Variants in USP25 observed in about 807,000 individuals in gnomAD.
The protein encoded by USP25 is ubiquitin carboxyl-terminal hydrolase 25.
In USP25, 85 loss-of-function variants were observed where a neutral mutation model predicts 158.5. That is an observed-to-expected ratio of 0.54 (90% CI 0.45 to 0.64). The LOEUF is 0.64. Ranked by LOEUF, USP25 falls within the 30% of genes least tolerant of loss-of-function variation. USP25 has a pLI of 0.00. For synonymous variants in USP25, 464 were observed against 460.4 expected, an observed-to-expected ratio of 1.01 and a Z score of -0.10; for missense variants, 1,242 against 1,327.3, an observed-to-expected ratio of 0.94 and a Z score of 1.00.
intron 17 of USP25, among the ~76,000 whole-genome samples, chr21:15,838,994 T>C (rs1224806583): frequency 6.6e-6 from 1 of 152,138 alleles, no homozygotes; most frequent in Non-Finnish European, 1.5e-5. Context: ...TAGAGAAGCA[T>C]GGCCGGAAAA....
At chr21:15,775,092 G>A (rs1037767727) in intron 3 of USP25, among the ~76,000 whole-genome samples, 2 of 152,098 alleles carry the variant, frequency 1.3e-5, no homozygotes, top group Non-Finnish European at 2.9e-5. Context: ...TGAAGCCTGT[G>A]CACCATTCTC....
chr21:15,818,900 C>T (rs1258483763), intron 10 of USP25, 54 bp downstream of exon 10: 10 of 1,565,236 alleles, frequency 6.4e-6, no homozygotes, highest in African/African-American at 2.7e-5. Flanking sequence ...TCTTACAATG[C>T]TATAGCACAA....
At chr21:15,824,609 TTC>T (rs1444937097) in intron 11 of USP25, among the ~76,000 whole-genome samples, 1 of 152,144 alleles carries the variant, frequency 6.6e-6, no homozygotes, top group African/African-American at 2.4e-5. Flanking sequence ...CTGTCTATCT[TTC>T]TGTCTTTCCT....
At chr21:15,803,767 A>G (rs1227111974) in intron 6 of USP25, among the ~76,000 whole-genome samples, 3 of 151,960 alleles carry the variant, frequency 2.0e-5, no homozygotes, top group Non-Finnish European at 4.4e-5. Flanking sequence ...ATTAAAGCTC[A>G]TAGTCTTTAT....
At chr21:15,850,302 G>A (rs527913915) in intron 20 of USP25, among the ~76,000 whole-genome samples, 83 of 151,462 alleles carry the variant, frequency 5.5e-4, no homozygotes, top group African/African-American at 1.9e-3. Flanking sequence ...TTGCTTTTTC[G>A]TTTATAAAAT....
intron 20 of USP25, among the ~76,000 whole-genome samples, chr21:15,861,527 G>A (rs1333110600): frequency 6.6e-6 from 1 of 152,112 alleles, no homozygotes; most frequent in Non-Finnish European, 1.5e-5. Context: ...GAGGTAGTAT[G>A]AGACAAATAT....
rs568377042 is a variant in USP25, at chr21:15,824,870, C to T, written c.1209-96C>T. 1.2e-5 allele frequency: 11 copies of T among 931,300 alleles called. No homozygotes were observed. In the Admixed American group the frequency reaches 1.8e-4, roughly 15 times the overall value. 57.7% of individuals were successfully genotyped at this position (931,300 alleles called of 1,614,324 possible). On this transcript the variant is annotated intron_variant, in intron 11 of 25. Transcript: ENST00000400183. ...ACCTCAGGTGATCCTCCCGCCTTGG[C>T]GTCCCAGAGTGGTAGGCCGGGTACG... is the stretch of plus-strand genomic sequence containing the variant.
intron 1 of USP25, among the ~76,000 whole-genome samples, chr21:15,757,782 A>G (rs899821485): frequency 1.3e-5 from 2 of 152,208 alleles, no homozygotes; most frequent in African/African-American, 4.8e-5. Context: ...CCCATCATCC[A>G]TGACAAAAGG....
chr21:15,783,050 T>C (rs1322955524), intron 4 of USP25, among the ~76,000 whole-genome samples: 3 of 151,922 alleles, frequency 2.0e-5, no homozygotes, highest in African/African-American at 7.3e-5. Context: ...AGATAGATAT[T>C]ATGGAAAGGA....
rs997884853 is a variant in USP25 at position 15,766,405 on chromosome 21, T to C, written c.268+264T>C. 6.6e-6 allele frequency among the ~76,000 whole-genome samples: 1 copy of C among 152,106 alleles called. No homozygotes were observed. Among genetic ancestry groups the C allele is most frequent in the African/African-American group, 2.4e-5 (1 of 41,460 alleles). On this transcript the variant is annotated intron_variant, in intron 3 of 25. Transcript: ENST00000400183. The surrounding 1 kb of genome is among the most constrained non-coding windows in gnomAD (Gnocchi z 4.0). ...AAATATGGAATAGCTGCAGATATAT[T>C]CATAAAAGGAAGAACTAGAATTTTT...
chr21:15,755,345 T>G (rs1841387694), intron 1 of USP25, among the ~76,000 whole-genome samples: 1 of 152,238 alleles, frequency 6.6e-6, no homozygotes, highest in African/African-American at 2.4e-5. Context: ...CACCCACCGC[T>G]TAACACAAAC....
rs1186663697 is a variant in USP25 at position 15,863,001 on chromosome 21, TA to T, written c.2548-1260del. Among the ~76,000 whole-genome samples the T allele has an allele frequency of 5.9e-5, 9 of 151,978 alleles. No individual in the cohort carries two copies. In the South Asian group the frequency reaches 1.0e-3, roughly 18 times the overall value. On this transcript the variant is annotated intron_variant, in intron 20 of 25. Transcript: ENST00000400183. Reference sequence around the variant, plus strand: ...TAAGAAAGGCATGCATTTTTTAAATTAAAAAAACTTTTTAATTGAATGGATT... The same window carrying T: ...TAAGAAAGGCATGCATTTTTTAAATTAAAAAACTTTTTAATTGAATGGATT...
rs2040020621 is a variant in USP25 at position 15,874,474 on chromosome 21, A to G, written c.2957A>G (p.Tyr986Cys). The change falls in exon 24 of 26, where the codon TAC becomes TGC. Residue 986 changes from tyrosine (Y) to cysteine (C), a missense_variant. Transcript: ENST00000400183. The stretch of plus-strand genomic sequence containing the variant: ...AAAGAACTCTTGTCTAAAGGCTTAT[A>G]CAGAGGACATGATGAAGAATTGATA... ...NNKELLSKGL[Y>C]RGHDEELISH... 2.5e-6 allele frequency: 4 copies of G among 1,611,604 alleles called. No individual in the cohort carries two copies. Among genetic ancestry groups the G allele is most frequent in the Non-Finnish European group, 1.7e-6 (2 of 1,178,922 alleles).
intron 4 of USP25, among the ~76,000 whole-genome samples, chr21:15,790,813 C>A (rs1191414194): frequency 6.6e-6 from 1 of 151,846 alleles, no homozygotes; most frequent in Non-Finnish European, 1.5e-5. Context: ...AGTAGCATTA[C>A]TTTTGCCATG....
In USP25 at chr21:15,847,695, T is replaced by C; in HGVS notation, c.2370T>C (p.Ser790=). 1 of 1,550,172 alleles carries C rather than the reference T, an allele frequency of 6.5e-7. No individual in the cohort carries two copies. The highest frequency in any genetic ancestry group is 1.2e-5 in the South Asian group (1 of 84,046). ...AAAATACTACAAGCCAACCACTTTC[T>C]AATCAGCGAGTTGTAGAGGTGGCGA... ...KPENTTSQPL[S]NQRVVEVAIP... The change falls in exon 19 of 26, where the codon TCT becomes TCC. Residue 790 remains serine (S), a synonymous_variant. Transcript: ENST00000400183.
intron 17 of USP25, among the ~76,000 whole-genome samples, chr21:15,841,994 G>A (rs1385055917): frequency 6.6e-6 from 1 of 152,198 alleles, no homozygotes; most frequent in Non-Finnish European, 1.5e-5. Context: ...TTGTCAGGAA[G>A]TGTGAAGGAA....
rs1568914556 is a variant in USP25 at position 15,870,151 on chromosome 21, AG to A, written c.2885+6del. The A allele has an allele frequency of 6.2e-7, 1 of 1,600,782 alleles. No individual in the cohort carries two copies. The highest frequency in any genetic ancestry group is 1.7e-5 in the Admixed American group (1 of 58,436). ...TAGAAAATTTTCAAAGAGAAAGGTA[AG>A]GCAAAGTGGACAAATATGAAAAGAG... On this transcript the variant is annotated splice_donor_5th_base_variant and intron_variant, in intron 23 of 25. Coordinates refer to ENST00000400183, the MANE Select transcript of USP25 (RefSeq NM_001283041.3).
chr21:15,805,850 C>G (rs1257732260), intron 7 of USP25, among the ~76,000 whole-genome samples: 1 of 152,040 alleles, frequency 6.6e-6, no homozygotes, highest in Non-Finnish European at 1.5e-5. Context: ...AGTAAGTGTT[C>G]AAAAAGATAG....
At chr21:15,755,218 C>T (rs542393250) in intron 1 of USP25, among the ~76,000 whole-genome samples, 6 of 151,214 alleles carry the variant, frequency 4.0e-5, no homozygotes, top group Admixed American at 2.0e-4. Context: ...CTAAGAGTTG[C>T]GCCCCCCGCC....
Sources: allele counts gnomAD v4.1 joint callset (sites outside exome capture counted in the v4.1 genomes callset), GRCh38; gene constraint gnomAD v4.1.1; non-coding constraint Gnocchi (gnomAD v3.1); transcripts MANE v1.5; gene names NCBI Gene and HGNC (gene_info 2026-07-23, HGNC 2026-07-21).